TSHR: variants seen among roughly 807,000 people sequenced by gnomAD.
TSHR encodes the protein thyroid stimulating hormone receptor.
Under a neutral mutation model 64.1 loss-of-function variants are expected in TSHR, and 51 were observed. The ratio of observed to expected loss-of-function variants is 0.80; its 90% CI spans 0.64 to 1.01. The LOEUF (loss-of-function observed/expected upper bound fraction) is 1.01, where lower values mean the gene tolerates loss of function less well. Among genes scored for constraint, TSHR ranks in the 50% least tolerant of loss-of-function variants. The pLI is 0.00. For missense variants in TSHR, 877 were observed against 942.8 expected (o/e 0.93, Z 0.91); for synonymous variants, 361 against 361.9 (o/e 1.00, Z 0.03).
intron 1 of TSHR, among the ~76,000 whole-genome samples, chr14:80,962,079 A>C (rs1887062127): frequency 6.6e-6 from 1 of 152,136 alleles, no homozygotes; most frequent in South Asian, 2.1e-4. Context: ...CTTTGGGAAC[A>C]TTGCTTAGTT....
chr14:81,026,907 GC>G (rs1656966689), intron 1 of TSHR, among the ~76,000 whole-genome samples: 1 of 151,818 alleles, frequency 6.6e-6, no homozygotes, highest in African/African-American at 2.4e-5. Context: ...GTGGTGGCGG[GC>G]ACCTATAATC....
intron 1 of TSHR, among the ~76,000 whole-genome samples, chr14:81,044,397 G>A (rs142028531): frequency 1.3e-5 from 2 of 152,128 alleles, no homozygotes; most frequent in Non-Finnish European, 2.9e-5. Context: ...AGTGGCTCAT[G>A]CCTGTAATCC....
intron 6 of TSHR, among the ~76,000 whole-genome samples, chr14:81,092,838 A>AT (rs1319771376): frequency 1.3e-5 from 2 of 152,178 alleles, no homozygotes; most frequent in African/African-American, 4.8e-5. Flanking sequence ...TGGTTGGTAC[A>AT]TTTTTCACGT....
At chr14:80,979,396 T>C (rs1829078208) in intron 1 of TSHR, among the ~76,000 whole-genome samples, 1 of 151,838 alleles carries the variant, frequency 6.6e-6, no homozygotes, top group African/African-American at 2.4e-5. Context: ...TGAGGAGAGG[T>C]TGGTCAACAG....
At chr14:81,108,981 C>T (rs910013481) in intron 8 of TSHR, 3 of 1,287,482 alleles carry the variant, frequency 2.3e-6, no homozygotes, top group Middle Eastern at 3.1e-4. Context: ...GATTTACACC[C>T]CCACATCCAA....
chr14:81,124,063 G>A (rs986938234), intron 8 of TSHR, among the ~76,000 whole-genome samples: 1 of 152,160 alleles, frequency 6.6e-6, no homozygotes, highest in African/African-American at 2.4e-5. Context: ...TGTTGAGTAA[G>A]TACCTCCTAA....
At chr14:81,124,976 T>G (rs1394730200) in intron 8 of TSHR, among the ~76,000 whole-genome samples, 4 of 152,188 alleles carry the variant, frequency 2.6e-5, no homozygotes, top group Non-Finnish European at 5.9e-5. Flanking sequence ...GTGCAAATGG[T>G]CCATTTACTC....
At chr14:80,982,674 C>T (rs745365560) in intron 1 of TSHR, 8 of 1,071,702 alleles carry the variant, frequency 7.5e-6, no homozygotes, top group African/African-American at 1.6e-5. Flanking sequence ...GCTGTAACTC[C>T]AGCAGTATTC....
intron 1 of TSHR, among the ~76,000 whole-genome samples, chr14:81,038,493 G>A (rs1169618029): frequency 6.6e-6 from 1 of 150,688 alleles, no homozygotes; most frequent in Non-Finnish European, 1.5e-5. Context: ...ATAAAGATCA[G>A]AGCAGAAATA....
At chr14:81,061,565 T>C (rs145279391) in intron 1 of TSHR, among the ~76,000 whole-genome samples, 2,539 of 152,202 alleles carry the variant, frequency 0.017, 41 homozygotes, top group Non-Finnish European at 0.023. Flanking sequence ...ATACCACATG[T>C]TCTCACTTAT....
In TSHR at chr14:80,986,589, C is replaced by T. The variant is rs147685243; in HGVS notation, c.170+30739C>T. On this transcript the variant is annotated intron_variant, in intron 1 of 9. Transcript: ENST00000298171. ...GTAACCTCTCCCTCCTGGGTCCAGG[C>T]GATTCTCCTGTCTCAGCCTTCCAAG... Among the ~76,000 whole-genome samples the T allele has an allele frequency of 1.9e-4, 29 of 152,196 alleles. No homozygotes were observed. The East Asian group carries it at 2.1e-3, about 11-fold the overall frequency.
chr14:81,113,548 T>G (rs1890326447), intron 8 of TSHR, among the ~76,000 whole-genome samples: 1 of 151,928 alleles, frequency 6.6e-6, no homozygotes, highest in Admixed American at 6.5e-5. Flanking sequence ...ACTTCTGAAC[T>G]TTCCCCACCA....
intron 1 of TSHR, among the ~76,000 whole-genome samples, chr14:81,022,993 C>T (rs1474790794): frequency 6.6e-6 from 1 of 152,116 alleles, no homozygotes; most frequent in Non-Finnish European, 1.5e-5. Context: ...AGAGCAAGTC[C>T]CCACCAGACA....
At chr14:81,040,463 G>A (rs1041076375) in intron 1 of TSHR, among the ~76,000 whole-genome samples, 1 of 151,974 alleles carries the variant, frequency 6.6e-6, no homozygotes, top group Non-Finnish European at 1.5e-5. Flanking sequence ...TTGATAAATG[G>A]GATTACATCA....
chr14:80,981,456 G>A (rs1393914923), intron 1 of TSHR, among the ~76,000 whole-genome samples: 1 of 152,146 alleles, frequency 6.6e-6, no homozygotes, highest in Non-Finnish European at 1.5e-5. Context: ...CAGAGGAGAG[G>A]ATGGGAGGCT....
intron 1 of TSHR, among the ~76,000 whole-genome samples, chr14:81,032,278 G>T (rs1884387527): frequency 1.3e-5 from 2 of 152,150 alleles, no homozygotes; most frequent in Non-Finnish European, 1.5e-5. Context: ...GGCCAAGAGG[G>T]TCTTTGAGGA....
chr14:81,091,274 C>T lies in TSHR; in HGVS notation c.467+131C>T, dbSNP rs971045697. On this transcript the variant is annotated intron_variant, in intron 5 of 9. Coordinates refer to ENST00000298171, the MANE Select transcript of TSHR (RefSeq NM_000369.5). The stretch of plus-strand genomic sequence containing the variant: ...AGGAGTAAGCAATGATCAGGTGTGA[C>T]TACACTGGCATGAAGTAAGGCAAGG... The T allele has an allele frequency of 6.5e-5, 54 of 829,348 alleles. 1 individual carries two copies. The Admixed American group carries it at 1.1e-3, about 16-fold the overall frequency. The allele number at this position is 829,348 out of a possible 1,614,324, so 51.4% of individuals were successfully genotyped here.
intron 1 of TSHR, among the ~76,000 whole-genome samples, chr14:80,990,350 C>T (rs10145099): frequency 0.35 from 53,010 of 152,080 alleles, 9,909 homozygotes; most frequent in Non-Finnish European, 0.41. Context: ...AAGCAACTTA[C>T]TGTCCCCATA....
At chr14:81,033,432 T>A (rs1229861724) in intron 1 of TSHR, 1 of 178,358 alleles carries the variant, frequency 5.6e-6, no homozygotes, top group Non-Finnish European at 1.2e-5. Flanking sequence ...AGCATGATGT[T>A]TTGCACTTTC....
Sources: allele counts gnomAD v4.1 joint callset (sites outside exome capture counted in the v4.1 genomes callset), GRCh38; gene constraint gnomAD v4.1.1; transcripts MANE v1.5; gene names NCBI Gene and HGNC (gene_info 2026-07-23, HGNC 2026-07-21).